The following ROR1 variants were observed in gnomAD, a reference collection of about 807,000 sequenced individuals.
ROR1 encodes inactive tyrosine-protein kinase transmembrane receptor ROR1.
In ROR1, 19 loss-of-function variants were observed where a neutral mutation model predicts 78.8. The observed-to-expected ratio is 0.24, with a 90% CI of 0.17 to 0.35. The LOEUF (loss-of-function observed/expected upper bound fraction) is 0.35, where lower values mean the gene tolerates loss of function less well. Ranked by LOEUF, ROR1 falls within the 10% of genes least tolerant of loss-of-function variation. The pLI is 1.00. For synonymous variants in ROR1, 386 were observed against 433.6 expected (o/e 0.89, Z 1.36); for missense variants, 917 against 1,177.8 (o/e 0.78, Z 3.24).
At chr1:64,149,343 A>G (rs1487782508) in intron 7 of ROR1, among the ~76,000 whole-genome samples, 1 of 152,204 alleles carries the variant, frequency 6.6e-6, no homozygotes, top group Non-Finnish European at 1.5e-5. Flanking sequence ...AACTGCTTAA[A>G]CAATAGAGTC....
intron 1 of ROR1, among the ~76,000 whole-genome samples, chr1:63,949,657 C>T (rs943952689): frequency 1.3e-5 from 2 of 152,094 alleles, no homozygotes; most frequent in African/African-American, 4.8e-5. Flanking sequence ...GCCATAATTC[C>T]TCCAGGTGCA....
Position 64,023,015 on chromosome 1 carries a change from C to T in ROR1, c.163+13639C>T, listed in dbSNP as rs959414413. ...GAGGTAATGGAAAACTCTAATAATGCGATCATCTATTGAAGACACGAGCTC... is the reference window on the plus strand; with the variant it reads ...GAGGTAATGGAAAACTCTAATAATGTGATCATCTATTGAAGACACGAGCTC... On this transcript the variant is annotated intron_variant, in intron 2 of 8. Coordinates refer to ENST00000371079, the MANE Select transcript of ROR1 (RefSeq NM_005012.4). Among the ~76,000 whole-genome samples, 11 of 152,082 alleles carry T rather than the reference C, an allele frequency of 7.2e-5. No homozygotes were observed. The East Asian group carries it at 9.6e-4, about 13-fold the overall frequency.
At position 64,067,710 on chromosome 1, in the gene ROR1, C is replaced by CTTTTTTTTTTTTTTTTTT. The variant is rs986756579; in HGVS notation, c.482+16997_482+17014dup. ...TATTTCTATCCAAGTTAAATAAATTCTTTTTTTTTTTTTTTTTTTTGAGAC... is the reference window on the plus strand; with the variant it reads ...TATTTCTATCCAAGTTAAATAAATTCTTTTTTTTTTTTTTTTTTTTTTTTTTTTTTTTTTTTTTGAGAC... On this transcript the variant is annotated intron_variant, in intron 4 of 8. Coordinates refer to ENST00000371079, the MANE Select transcript of ROR1 (RefSeq NM_005012.4). Among the ~76,000 whole-genome samples the CTTTTTTTTTTTTTTTTTT allele has an allele frequency of 7.0e-4, 74 of 105,642 alleles. 1 individual carries two copies. Among genetic ancestry groups the CTTTTTTTTTTTTTTTTTT allele is most frequent in the African/African-American group, 1.8e-3 (42 of 23,500 alleles). 69.3% of individuals were successfully genotyped at this position (105,642 alleles called of 152,430 possible).
At chr1:63,952,532 G>T (rs1308834283) in intron 1 of ROR1, among the ~76,000 whole-genome samples, 2 of 152,050 alleles carry the variant, frequency 1.3e-5, no homozygotes, top group African/African-American at 4.8e-5. Flanking sequence ...CCACTGCAGG[G>T]CCCCAGGCAT....
intron 1 of ROR1, among the ~76,000 whole-genome samples, chr1:63,868,545 TTTGA>T (rs1472077417): frequency 1.3e-5 from 2 of 152,226 alleles, no homozygotes; most frequent in South Asian, 2.1e-4. Flanking sequence ...TTTCTAAATC[TTTGA>T]TTGTGCATAA....
At chr1:63,863,429 A>G (rs1557533193) in intron 1 of ROR1, among the ~76,000 whole-genome samples, 2 of 152,098 alleles carry the variant, frequency 1.3e-5, no homozygotes, top group African/African-American at 4.8e-5. Context: ...TATCTGGGCA[A>G]GTCATGCCTG....
chr1:64,076,443 T>C (rs974793642), intron 4 of ROR1, among the ~76,000 whole-genome samples: 5 of 152,214 alleles, frequency 3.3e-5, no homozygotes, highest in African/African-American at 1.2e-4. Flanking sequence ...TTGTGTTTTC[T>C]CCAGATAAGC....
intron 1 of ROR1, among the ~76,000 whole-genome samples, chr1:63,918,913 C>T (rs933644447): frequency 6.6e-5 from 10 of 152,158 alleles, no homozygotes; most frequent in Non-Finnish European, 1.0e-4. Context: ...GAGGAAATAC[C>T]TTTAACCATT....
At chr1:63,937,618 A>T (rs1019407534) in intron 1 of ROR1, among the ~76,000 whole-genome samples, 1 of 152,156 alleles carries the variant, frequency 6.6e-6, no homozygotes, top group Non-Finnish European at 1.5e-5. Context: ...CAGAGAAGTG[A>T]GTGGTCCTAA....
At chr1:64,036,874 G>A (rs1646706382) in intron 2 of ROR1, among the ~76,000 whole-genome samples, 1 of 152,168 alleles carries the variant, frequency 6.6e-6, no homozygotes, top group South Asian at 2.1e-4. Context: ...CTGGGTCTAG[G>A]GTCATCTTAA....
intron 2 of ROR1, among the ~76,000 whole-genome samples, chr1:64,046,276 T>C (rs1646782480): frequency 6.6e-6 from 1 of 152,218 alleles, no homozygotes; most frequent in Non-Finnish European, 1.5e-5. Context: ...ACACCTTTGC[T>C]GGGATGCCCA....
In ROR1 at chr1:64,177,890, G is replaced by A; in HGVS notation, c.1849G>A (p.Ala617Thr). Residue 617 changes from alanine (A) to threonine (T), a missense_variant, in exon 9 of 9, where the codon GCA becomes ACA. By Grantham distance (58) the Ala-to-Thr change is moderately conservative (BLOSUM62 0). Around this residue, in one of 3 missense-constraint regions of ROR1, gnomAD observed 835 missense variants for 1,069.8 expected, o/e 0.78. Coordinates refer to ENST00000371079, the MANE Select transcript of ROR1 (RefSeq NM_005012.4). ...TCACTTCTTTGTCCACAAGGACCTT[G>A]CAGCTCGCAATATTTTAATCGGAGA... ...SSHFFVHKDL[A>T]ARNILIGEQL... 1 of 1,614,194 alleles carries A rather than the reference G, an allele frequency of 6.2e-7. No homozygotes were observed. Among genetic ancestry groups the A allele is most frequent in the Non-Finnish European group, 8.5e-7 (1 of 1,180,036 alleles).
chr1:64,105,152 T>C (rs1647744068), intron 4 of ROR1, among the ~76,000 whole-genome samples: 1 of 152,184 alleles, frequency 6.6e-6, no homozygotes, highest in Non-Finnish European at 1.5e-5. Flanking sequence ...ATAATCGCCA[T>C]TCTGACTGGT....
chr1:64,033,373 TA>T (rs1478474176), intron 2 of ROR1, among the ~76,000 whole-genome samples: 1 of 152,122 alleles, frequency 6.6e-6, no homozygotes, highest in Non-Finnish European at 1.5e-5. Flanking sequence ...CACAGATGAG[TA>T]AACTGAGGCT....
chr1:64,154,313 C>T (rs921121799), intron 7 of ROR1, among the ~76,000 whole-genome samples: 1 of 152,224 alleles, frequency 6.6e-6, no homozygotes, highest in Non-Finnish European at 1.5e-5. Flanking sequence ...GTGCTACCAA[C>T]CTGCTTATTT....
chr1:63,858,386 T>G (rs2100340843), intron 1 of ROR1, among the ~76,000 whole-genome samples: 1 of 152,312 alleles, frequency 6.6e-6, no homozygotes, highest in African/African-American at 2.4e-5. Context: ...CACTTTGCAT[T>G]AGTTAAGTAG....
intron 1 of ROR1, among the ~76,000 whole-genome samples, chr1:64,001,438 G>A (rs943792386): frequency 1.2e-4 from 18 of 152,142 alleles, no homozygotes; most frequent in African/African-American, 2.2e-4. Context: ...GTGGTTACTC[G>A]AATCTACGCT....
intron 1 of ROR1, among the ~76,000 whole-genome samples, chr1:63,983,045 A>G (rs767385111): frequency 2.0e-5 from 3 of 152,206 alleles, no homozygotes; most frequent in Non-Finnish European, 4.4e-5. Flanking sequence ...TTTCTTAAGC[A>G]CACAAAATAT....
intron 1 of ROR1, among the ~76,000 whole-genome samples, chr1:63,907,858 G>C (rs1019168857): frequency 3.9e-5 from 6 of 152,122 alleles, no homozygotes; most frequent in African/African-American, 1.4e-4. Flanking sequence ...CTTAGGTCTT[G>C]GGCAGTTCTT....
Sources: allele counts gnomAD v4.1 joint callset (sites outside exome capture counted in the v4.1 genomes callset), GRCh38; gene constraint gnomAD v4.1.1; regional missense constraint gnomAD v4.1.1; transcripts MANE v1.5; gene names NCBI Gene and HGNC (gene_info 2026-07-23, HGNC 2026-07-21).